UBR2: variants seen among roughly 807,000 people sequenced by gnomAD.
UBR2 encodes the protein E3 ubiquitin-protein ligase UBR2.
In UBR2, 92 loss-of-function variants were observed where a neutral mutation model predicts 247.9. That is an observed-to-expected ratio of 0.37 (90% CI 0.31 to 0.44). UBR2 has a LOEUF of 0.44. Ranked by LOEUF, UBR2 falls within the 20% of genes least tolerant of loss-of-function variation. The probability of loss-of-function intolerance (pLI) is 1.00; values close to 1 mark genes in which losing one functional copy is unlikely to be tolerated. For synonymous variants in UBR2, 672 were observed against 693.5 expected (o/e 0.97, Z 0.49); for missense variants, 1,613 against 2,112.6 (o/e 0.76, Z 4.64).
intron 11 of UBR2, chr6:42,620,086 AC>A: frequency 1.2e-6 from 1 of 863,482 alleles, no homozygotes; most frequent in Non-Finnish European, 1.4e-6. Flanking sequence ...AATAGGTTCT[AC>A]CAGACTCTTT....
rs1267455488 is a variant in UBR2 at position 42,689,522 on chromosome 6, T to G, written c.5025-47T>G. On this transcript the variant is annotated intron_variant, in intron 45 of 46. Transcript: ENST00000372901. This position sits in a 1 kb window ranked among gnomAD's most constrained non-coding sequence, Gnocchi z 4.0. ...TCTATTTGGAACTGAATACAAATGT[T>G]GGTTACTAATGTGTAAATGTGTAAC... 1 of 1,515,814 alleles carries G rather than the reference T, an allele frequency of 6.6e-7. No homozygotes were observed. The highest frequency in any genetic ancestry group is 9.2e-7 in the Non-Finnish European group (1 of 1,090,634). The allele number at this position is 1,515,814 out of a possible 1,614,324, so 93.9% of individuals were successfully genotyped here.
chr6:42,636,007 T>C (rs990371331), intron 14 of UBR2, among the ~76,000 whole-genome samples: 14 of 152,090 alleles, frequency 9.2e-5, no homozygotes, highest in Admixed American at 8.5e-4. Flanking sequence ...AATGGAACAA[T>C]GAGTAAATGA....
At chr6:42,632,411 A>G (rs536865045) in intron 11 of UBR2, 141 bp from the exon 12 acceptor site, 5 of 639,050 alleles carry the variant, frequency 7.8e-6, no homozygotes, top group African/African-American at 5.7e-5. Flanking sequence ...ATTTAGAAAT[A>G]CACAGTAATG....
At chr6:42,686,835 T>C (rs941552372) in intron 44 of UBR2, among the ~76,000 whole-genome samples, 2 of 150,510 alleles carry the variant, frequency 1.3e-5, no homozygotes, top group Non-Finnish European at 3.0e-5. Flanking sequence ...GAGGGGCTCC[T>C]CACTTCTCAG....
In UBR2 at chr6:42,650,355, T is replaced by G; in HGVS notation, c.2534T>G (p.Phe845Cys). The part of the protein sequence containing the change: ...PECAKEFNLY[F>C]YHFSRAEQSK... ...TGTGCCAAAGAGTTCAACTTGTATT[T>G]CTATCACTTTTCAAGGGCAGAACAG... The change falls in exon 23 of 47, where the codon TTC (phenylalanine) becomes TGC (cysteine). Residue 845 changes from phenylalanine (F) to cysteine (C), a missense_variant. Physicochemically the swap from Phe to Cys is radical, Grantham distance 205. This residue lies in a region of UBR2 where 1,524 missense variants were observed against 1,967.3 expected (regional missense o/e 0.77). Coordinates refer to ENST00000372901, the MANE Select transcript of UBR2 (RefSeq NM_001363705.2). The G allele has an allele frequency of 6.2e-7, 1 of 1,614,036 alleles. No individual in the cohort carries two copies. Among genetic ancestry groups the G allele is most frequent in the Non-Finnish European group, 8.5e-7 (1 of 1,179,926 alleles).
At position 42,650,335 on chromosome 6, in the gene UBR2, C is replaced by G. The variant is rs1217894823; in HGVS notation, c.2514C>G (p.Ala838=). 12 of 1,613,840 alleles carry G rather than the reference C, an allele frequency of 7.4e-6. No homozygotes were observed. The highest frequency in any genetic ancestry group is 9.3e-6 in the Non-Finnish European group (11 of 1,179,934). ...RGMYELKPEC[A]KEFNLYFYHF... ...TGTATGAACTGAAACCAGAATGTGC[C>G]AAAGAGTTCAACTTGTATTTCTATC... is the stretch of plus-strand genomic sequence containing the variant. Residue 838 remains alanine, a synonymous_variant, in exon 23 of 47, where the codon GCC becomes GCG. Coordinates refer to ENST00000372901, the MANE Select transcript of UBR2 (RefSeq NM_001363705.2).
chr6:42,660,383 G>T lies in UBR2; in HGVS notation c.3442+528G>T, dbSNP rs147097654. ...GAGGGCCCTCTTTCAGCAACTGAGG[G>T]AGTAAAGCAGGGAGATCCAGTCCGC... On this transcript the variant is annotated intron_variant, in intron 30 of 46. Transcript: ENST00000372901. Among the ~76,000 whole-genome samples the T allele has an allele frequency of 5.9e-4, 90 of 152,232 alleles. 1 individual carries two copies. The highest frequency in any genetic ancestry group is 6.8e-3 in the Middle Eastern group (2 of 294).
At chr6:42,631,860 T>TTCTA (rs1795734186) in intron 11 of UBR2, among the ~76,000 whole-genome samples, 1 of 61,506 alleles carries the variant, frequency 1.6e-5, no homozygotes, top group Non-Finnish European at 3.5e-5. Flanking sequence ...TACTCTGATT[T>TTCTA]TATATATATA....
chr6:42,674,256 G>T, intron 38 of UBR2, 63 bp downstream of exon 38: 1 of 1,513,904 alleles, frequency 6.6e-7, no homozygotes, highest in Non-Finnish European at 9.1e-7. Flanking sequence ...CTTAGGTTTG[G>T]TGAGCAGTGT....
intron 4 of UBR2, among the ~76,000 whole-genome samples, chr6:42,599,773 C>T (rs1331148144): frequency 6.6e-6 from 1 of 152,086 alleles, no homozygotes. Flanking sequence ...CCTTCAGCCT[C>T]CCCAGTAGCT....
intron 15 of UBR2, 25 bp from the exon 16 acceptor site, chr6:42,640,184 G>GT (rs766015821): frequency 4.4e-6 from 7 of 1,586,644 alleles, no homozygotes; most frequent in East Asian, 2.2e-5. Flanking sequence ...TAGAAATACT[G>GT]TTTTTTGTTT....
intron 38 of UBR2, among the ~76,000 whole-genome samples, chr6:42,674,465 T>G (rs911524647): frequency 6.6e-5 from 10 of 152,088 alleles, no homozygotes; most frequent in African/African-American, 2.2e-4. Flanking sequence ...TGTAAAGAGA[T>G]AAAAACACCA....
At chr6:42,656,642 C>G (rs1797453859) in intron 26 of UBR2, among the ~76,000 whole-genome samples, 1 of 152,166 alleles carries the variant, frequency 6.6e-6, no homozygotes, top group African/African-American at 2.4e-5. Context: ...AGTGCCATTT[C>G]TTCCTAAACG....
At chr6:42,643,639 A>G (rs922903793) in intron 18 of UBR2, among the ~76,000 whole-genome samples, 5 of 152,148 alleles carry the variant, frequency 3.3e-5, no homozygotes, top group Non-Finnish European at 5.9e-5. Context: ...TGTATATTTC[A>G]AAAAAATATT....
At chr6:42,582,674 TTTC>T (rs1305602883) in intron 2 of UBR2, among the ~76,000 whole-genome samples, 3 of 152,150 alleles carry the variant, frequency 2.0e-5, no homozygotes, top group Non-Finnish European at 4.4e-5. Context: ...GTATGAAATA[TTTC>T]TTAATTGCAA....
chr6:42,586,968 C>T (rs1040219198), intron 2 of UBR2, among the ~76,000 whole-genome samples: 9 of 151,290 alleles, frequency 5.9e-5, no homozygotes, highest in African/African-American at 1.2e-4. Context: ...TTACAGGCAC[C>T]GCCACCACGC....
At chr6:42,573,277 G>A (rs190695044) in intron 1 of UBR2, among the ~76,000 whole-genome samples, 1 of 152,254 alleles carries the variant, frequency 6.6e-6, no homozygotes, top group Admixed American at 6.5e-5. Flanking sequence ...TAAGAAATGT[G>A]TATTGGCTGT....
chr6:42,632,956 C>CTTTTTTTTTTTTTTTTTTTTATTTTTTT, intron 13 of UBR2, 52 bp downstream of exon 13: 1 of 929,526 alleles, frequency 1.1e-6, no homozygotes. Context: ...TTTCTCTTTT[C>CTTTTTTTTTTTTTTTTTTTTATTTTTTT]TCTTTTTTTT....
intron 11 of UBR2, chr6:42,620,371 C>T (rs1270666968): frequency 6.6e-6 from 1 of 150,552 alleles, no homozygotes; most frequent in African/African-American, 2.4e-5. Flanking sequence ...CTGCCTTTTT[C>T]TTACTGATTT....
Sources: allele counts gnomAD v4.1 joint callset (sites outside exome capture counted in the v4.1 genomes callset), GRCh38; gene constraint gnomAD v4.1.1; regional missense constraint gnomAD v4.1.1; non-coding constraint Gnocchi (gnomAD v3.1); transcripts MANE v1.5; gene names NCBI Gene and HGNC (gene_info 2026-07-23, HGNC 2026-07-21).